Variants in CACNA2D4 observed in about 807,000 individuals in gnomAD.
The protein encoded by CACNA2D4 is voltage-dependent calcium channel subunit alpha-2/delta-4.
Under a neutral mutation model 163.8 loss-of-function variants are expected in CACNA2D4, and 157 were observed. The ratio of observed to expected loss-of-function variants is 0.96; its 90% CI spans 0.84 to 1.09. The LOEUF (loss-of-function observed/expected upper bound fraction) is 1.09, where lower values mean the gene tolerates loss of function less well. Among genes scored for constraint, CACNA2D4 ranks in the 50% least tolerant of loss-of-function variants. The probability of loss-of-function intolerance (pLI) is 0.00; values close to 1 mark genes in which losing one functional copy is unlikely to be tolerated. For synonymous variants in CACNA2D4, 598 were observed against 586.9 expected, an observed-to-expected ratio of 1.02 and a Z score of -0.27; for missense variants, 1,410 against 1,479.9, an observed-to-expected ratio of 0.95 and a Z score of 0.78.
At chr12:1,808,221 A>T (rs1011174788) in intron 29 of CACNA2D4, among the ~76,000 whole-genome samples, 7 of 152,102 alleles carry the variant, frequency 4.6e-5, no homozygotes, top group Non-Finnish European at 8.8e-5. Flanking sequence ...GTTTCCCTCC[A>T]GGGCCGCCTC....
intron 23 of CACNA2D4, among the ~76,000 whole-genome samples, chr12:1,848,332 C>T (rs931275768): frequency 6.6e-6 from 1 of 152,222 alleles, no homozygotes; most frequent in East Asian, 1.9e-4. Flanking sequence ...CGGTTCTGGC[C>T]TTGGCGGATT....
At chr12:1,870,803 C>G (rs1172819836) in intron 18 of CACNA2D4, among the ~76,000 whole-genome samples, 3 of 151,866 alleles carry the variant, frequency 2.0e-5, no homozygotes, top group Non-Finnish European at 4.4e-5. Flanking sequence ...AGAGAGAGCG[C>G]GAGAGGTCTG....
At chr12:1,797,626 A>G in intron 34 of CACNA2D4, 91 bp from the exon 35 acceptor site, 1 of 918,610 alleles carries the variant, frequency 1.1e-6, no homozygotes, top group Non-Finnish European at 1.7e-6. Flanking sequence ...AGTTCACCCC[A>G]GTGCATTTGC....
intron 4 of CACNA2D4, among the ~76,000 whole-genome samples, chr12:1,909,485 C>T (rs1282730766): frequency 1.3e-5 from 2 of 152,336 alleles, no homozygotes; most frequent in South Asian, 2.1e-4. Flanking sequence ...TGAGCCACCG[C>T]GCCTGGGCGT....
chr12:1,857,124 G>A (rs911168107), intron 20 of CACNA2D4, among the ~76,000 whole-genome samples: 4 of 152,210 alleles, frequency 2.6e-5, no homozygotes, highest in Admixed American at 6.5e-5. Context: ...AAGAAGGCAC[G>A]ATGGAGGCCT....
At chr12:1,836,171 G>C (rs1003718032) in intron 26 of CACNA2D4, 1 of 152,478 alleles carries the variant, frequency 6.6e-6, no homozygotes, top group African/African-American at 2.4e-5. Flanking sequence ...AGCCTGTCTG[G>C]GACAGAGCCA....
chr12:1,841,994 G>A (rs1449184147), intron 25 of CACNA2D4, among the ~76,000 whole-genome samples: 1 of 152,198 alleles, frequency 6.6e-6, no homozygotes, highest in Non-Finnish European at 1.5e-5. Context: ...TGGTGATGTG[G>A]CAGCCCCGAC....
At position 1,874,314 on chromosome 12, in the gene CACNA2D4, A is replaced by G. The variant is rs553193112; in HGVS notation, c.1878+290T>C. On this transcript the variant is annotated intron_variant, in intron 18 of 37. Transcript: ENST00000382722. The surrounding 1 kb of genome is among the most constrained non-coding windows in gnomAD (Gnocchi z 4.4). ...TATAAACAACAAAAGGGCCAGTAGC[A>G]GGCAGCATAAGGAGGAAAGAAGAGC... 6.6e-6 allele frequency among the ~76,000 whole-genome samples: 1 copy of G among 152,366 alleles called. No homozygotes were observed. Among genetic ancestry groups the G allele is most frequent in the Admixed American group, 6.5e-5 (1 of 15,304 alleles).
At position 1,874,577 on chromosome 12, in the gene CACNA2D4, A is replaced by G. The variant is rs1345398887; in HGVS notation, c.1878+27T>C. 3 of 1,536,714 alleles carry G rather than the reference A, an allele frequency of 2.0e-6. No homozygotes were observed. Among genetic ancestry groups the G allele is most frequent in the Non-Finnish European group, 9.0e-7 (1 of 1,109,700 alleles). ...ATTAATGAAGATGCCTTCCTAGGCC[A>G]TGCCCTGGCTGTTTCTAGCTCCTTA... On this transcript the variant is annotated intron_variant, in intron 18 of 37. Coordinates refer to ENST00000382722, the MANE Select transcript of CACNA2D4 (RefSeq NM_172364.5). This position sits in a 1 kb window ranked among gnomAD's most constrained non-coding sequence, Gnocchi z 4.4.
intron 6 of CACNA2D4, among the ~76,000 whole-genome samples, chr12:1,904,403 C>T (rs754839146): frequency 1.0e-3 from 19 of 18,248 alleles, no homozygotes; most frequent in African/African-American, 5.8e-3. Context: ...AGGATAAATG[C>T]TTGAGGCAAT....
rs1864499115 is a variant in CACNA2D4 at position 1,829,055 on chromosome 12, G to A, written c.2551+11684C>T. ...CACCATGTGAGAGAGGCTGGCCCCT[G>A]AGTGACTCAGATCTCCTTTCAGCCT... is the stretch of plus-strand genomic sequence containing the variant. On this transcript the variant is annotated intron_variant, in intron 26 of 37. Coordinates refer to ENST00000382722, the MANE Select transcript of CACNA2D4 (RefSeq NM_172364.5). This position sits in a 1 kb window ranked among gnomAD's most constrained non-coding sequence, Gnocchi z 4.2. Among the ~76,000 whole-genome samples, 1 of 152,228 alleles carries A rather than the reference G, an allele frequency of 6.6e-6. No individual in the cohort carries two copies. Among genetic ancestry groups the A allele is most frequent in the South Asian group, 2.1e-4 (1 of 4,830 alleles).
At position 1,834,955 on chromosome 12, in the gene CACNA2D4, ACAT is replaced by A. The variant is rs1400468729; in HGVS notation, c.2551+5781_2551+5783del. 1.4e-6 allele frequency: 1 copy of A among 716,772 alleles called. No individual in the cohort carries two copies. The highest frequency in any genetic ancestry group is 1.8e-5 in the African/African-American group (1 of 55,894). The allele number at this position is 716,772 out of a possible 1,614,324, so 44.4% of individuals were successfully genotyped here. The stretch of plus-strand genomic sequence containing the variant: ...CTGTCTGGGCCAGTAAATCTTTGGA[ACAT>A]GTGGGGGATCTCCCTAAGCTCTGGC... On this transcript the variant is annotated intron_variant, in intron 26 of 37. Transcript: ENST00000382722. This position sits in a 1 kb window ranked among gnomAD's most constrained non-coding sequence, Gnocchi z 7.6.
At chr12:1,824,747 C>G (rs1001985147) in intron 26 of CACNA2D4, among the ~76,000 whole-genome samples, 1 of 152,212 alleles carries the variant, frequency 6.6e-6, no homozygotes, top group Non-Finnish European at 1.5e-5. Context: ...TAAGGAGGCT[C>G]CACTCTTCTG....
At position 1,917,733 on chromosome 12, in the gene CACNA2D4, C is replaced by T. The variant is rs1204409762; in HGVS notation, c.227+514G>A. ...GTGTAGAAAGGGAAGACTGCGGCCA[C>T]CAAAATCCATTTTTTTCCCCAGTTC... On this transcript the variant is annotated intron_variant, in intron 1 of 37. Coordinates refer to ENST00000382722, the MANE Select transcript of CACNA2D4 (RefSeq NM_172364.5). This position sits in a 1 kb window ranked among gnomAD's most constrained non-coding sequence, Gnocchi z 4.3. 6.6e-6 allele frequency among the ~76,000 whole-genome samples: 1 copy of T among 152,198 alleles called. No homozygotes were observed. The highest frequency in any genetic ancestry group is 1.9e-4 in the East Asian group (1 of 5,198).
chr12:1,896,779 CAT>C (rs1431879701), intron 6 of CACNA2D4, among the ~76,000 whole-genome samples: 2 of 152,138 alleles, frequency 1.3e-5, no homozygotes, highest in Non-Finnish European at 2.9e-5. Context: ...ATAGAACTAC[CAT>C]ATGATGCCAC....
At chr12:1,862,169 C>T (rs1351945262) in intron 18 of CACNA2D4, among the ~76,000 whole-genome samples, 1 of 152,168 alleles carries the variant, frequency 6.6e-6, no homozygotes, top group African/African-American at 2.4e-5. Context: ...TCCTTTGGGG[C>T]TATAGTGAAT....
intron 25 of CACNA2D4, among the ~76,000 whole-genome samples, chr12:1,842,078 C>T (rs1307451913): frequency 4.6e-5 from 7 of 152,180 alleles, no homozygotes; most frequent in African/African-American, 1.4e-4. Context: ...CCAGCAGAGG[C>T]TTGTAGGAAA....
At chr12:1,871,518 G>A (rs1353716547) in intron 18 of CACNA2D4, among the ~76,000 whole-genome samples, 2 of 150,542 alleles carry the variant, frequency 1.3e-5, no homozygotes, top group Non-Finnish European at 3.0e-5. Context: ...TGGTGTGTGT[G>A]TACATGTGTG....
chr12:1,887,379 G>A (rs111368474), intron 6 of CACNA2D4, among the ~76,000 whole-genome samples: 3 of 152,366 alleles, frequency 2.0e-5, no homozygotes, highest in African/African-American at 4.8e-5. Flanking sequence ...TTGGAGAAGT[G>A]TGACTTTTAA....
Sources: allele counts gnomAD v4.1 joint callset (sites outside exome capture counted in the v4.1 genomes callset), GRCh38; gene constraint gnomAD v4.1.1; non-coding constraint Gnocchi (gnomAD v3.1); transcripts MANE v1.5; gene names NCBI Gene and HGNC (gene_info 2026-07-23, HGNC 2026-07-21).